Variants in EPHB2 observed in about 807,000 individuals in gnomAD.
EPHB2 encodes the protein ephrin type-B receptor 2.
In EPHB2, 18 loss-of-function variants were observed where a neutral mutation model predicts 96.4. That is an observed-to-expected ratio of 0.19 (90% CI 0.13 to 0.28). The LOEUF (loss-of-function observed/expected upper bound fraction) is 0.28. Ranked by LOEUF, EPHB2 falls within the 10% of genes least tolerant of loss-of-function variation. The pLI is 1.00. For synonymous variants in EPHB2, 506 were observed against 534.1 expected (o/e 0.95, Z 0.72); for missense variants, 989 against 1,355.4 (o/e 0.73, Z 4.25).
At chr1:22,836,166 G>A (rs966163488) in intron 3 of EPHB2, among the ~76,000 whole-genome samples, 1 of 152,180 alleles carries the variant, frequency 6.6e-6, no homozygotes, top group African/African-American at 2.4e-5. Flanking sequence ...CAGCGTAGCC[G>A]CTTTTGATTT....
At chr1:22,808,022 C>T (rs1261017102) in intron 3 of EPHB2, among the ~76,000 whole-genome samples, 2 of 151,886 alleles carry the variant, frequency 1.3e-5, no homozygotes, top group Non-Finnish European at 2.9e-5. Context: ...TGGTCCCAGC[C>T]ACTTGGGAGG....
At chr1:22,809,762 C>A (rs1478068457) in intron 3 of EPHB2, among the ~76,000 whole-genome samples, 1 of 152,196 alleles carries the variant, frequency 6.6e-6, no homozygotes, top group Non-Finnish European at 1.5e-5. Flanking sequence ...GTATTAGGCA[C>A]CAAGACTGCG....
intron 1 of EPHB2, among the ~76,000 whole-genome samples, chr1:22,743,898 A>G (rs555242569): frequency 4.8e-4 from 73 of 152,312 alleles, no homozygotes; most frequent in East Asian, 1.9e-4. Flanking sequence ...CACAAGCTCT[A>G]AGTCAGGAAG....
intron 5 of EPHB2, among the ~76,000 whole-genome samples, chr1:22,869,102 TC>T (rs1261888905): frequency 6.6e-6 from 1 of 151,600 alleles, no homozygotes; most frequent in Non-Finnish European, 1.5e-5. Flanking sequence ...AACAAGTCTT[TC>T]CCCCTCCTCT....
intron 14 of EPHB2, among the ~76,000 whole-genome samples, chr1:22,911,740 C>CAAGTCCTTAGGAAGGACTTGGGCCA (rs1415285765): frequency 1.1e-4 from 16 of 152,144 alleles, no homozygotes; most frequent in South Asian, 2.1e-4. Context: ...TGGCTGTAGC[C>CAAGTCCTTAGGAAGGACTTGGGCCA]AAGTCCTTAG....
chr1:22,870,319 G>A (rs955759753), intron 5 of EPHB2, among the ~76,000 whole-genome samples: 3 of 152,106 alleles, frequency 2.0e-5, no homozygotes, highest in Non-Finnish European at 2.9e-5. Flanking sequence ...TCATGGCCCC[G>A]AGGAAGGAGG....
At chr1:22,853,500 C>T (rs1645654894) in intron 3 of EPHB2, among the ~76,000 whole-genome samples, 1 of 152,236 alleles carries the variant, frequency 6.6e-6, no homozygotes, top group East Asian at 1.9e-4. Context: ...CAGTGCCAGG[C>T]ACTCCTGGAG....
chr1:22,772,475 C>T (rs1179064957), intron 1 of EPHB2, among the ~76,000 whole-genome samples: 1 of 152,190 alleles, frequency 6.6e-6, no homozygotes, highest in Admixed American at 6.5e-5. Context: ...AGACTGAGGG[C>T]TGAGCAGGGG....
At chr1:22,721,128 G>A (rs1227572175) in intron 1 of EPHB2, among the ~76,000 whole-genome samples, 1 of 152,218 alleles carries the variant, frequency 6.6e-6, no homozygotes, top group East Asian at 1.9e-4. Flanking sequence ...CAGGAGTGGG[G>A]AAGCATTAGA....
In EPHB2 at chr1:22,906,921, G is replaced by A; in HGVS notation, c.2100G>A (p.Glu700=). The A allele has an allele frequency of 6.2e-7, 1 of 1,613,204 alleles. No individual in the cohort carries two copies. The highest frequency in any genetic ancestry group is 8.5e-7 in the Non-Finnish European group (1 of 1,179,222). The change falls in exon 11 of 16, where the codon GAG becomes GAA. Residue 700 remains glutamate, a synonymous_variant. Coordinates refer to ENST00000374630, the MANE Select transcript of EPHB2 (RefSeq NM_017449.5). This position sits in a 1 kb window ranked among gnomAD's most constrained non-coding sequence, Gnocchi z 4.8. ...TKSTPVMIIT[E]FMENGSLDSF... is the part of the protein sequence containing the mutation. ...GCACACCTGTGATGATCATCACCGA[G>A]TTCATGGAGAATGGCTCCCTGGACT...
intron 1 of EPHB2, among the ~76,000 whole-genome samples, chr1:22,781,097 G>A (rs1016595925): frequency 2.0e-5 from 3 of 151,874 alleles, no homozygotes; most frequent in Non-Finnish European, 2.9e-5. Flanking sequence ...GAGGCGGGCG[G>A]ATCACGAGGT....
At chr1:22,852,638 C>T (rs1266527965) in intron 3 of EPHB2, among the ~76,000 whole-genome samples, 3 of 152,226 alleles carry the variant, frequency 2.0e-5, no homozygotes, top group Non-Finnish European at 4.4e-5. Context: ...GAAACACCCT[C>T]ACCAGCTCAC....
chr1:22,759,675 C>G (rs1245213657), intron 1 of EPHB2, among the ~76,000 whole-genome samples: 1 of 152,172 alleles, frequency 6.6e-6, no homozygotes, highest in African/African-American at 2.4e-5. Flanking sequence ...CCTCCCTCAC[C>G]AGGTGGCTCT....
In EPHB2 at chr1:22,910,565, C is replaced by T; in HGVS notation, c.2686C>T (p.Leu896Phe). ...NPNSLKAMAP[L>F]SSGINLPLLD... ...CAACAGCCTCAAAGCCATGGCGCCC[C>T]TCTCCTCTGGGTAAGGCCCCACCCT... Residue 896 changes from leucine to phenylalanine, a missense_variant, in exon 14 of 16, where the codon CTC (leucine) becomes TTC (phenylalanine). By Grantham distance (22) the Leu-to-Phe change is conservative. Transcript: ENST00000374630. The T allele has an allele frequency of 6.2e-7, 1 of 1,614,160 alleles. No individual in the cohort carries two copies. The highest frequency in any genetic ancestry group is 8.5e-7 in the Non-Finnish European group (1 of 1,179,998).
intron 3 of EPHB2, among the ~76,000 whole-genome samples, chr1:22,815,959 T>C (rs1399736248): frequency 6.6e-6 from 1 of 152,132 alleles, no homozygotes; most frequent in Non-Finnish European, 1.5e-5. Flanking sequence ...TGTGTGGGTG[T>C]TGGCAGCAGC....
intron 3 of EPHB2, among the ~76,000 whole-genome samples, chr1:22,792,240 G>C (rs1187469386): frequency 6.6e-6 from 1 of 152,104 alleles, no homozygotes; most frequent in South Asian, 2.1e-4. Flanking sequence ...GAGGGAGGCC[G>C]CCAGCTGGCA....
intron 3 of EPHB2, among the ~76,000 whole-genome samples, chr1:22,830,950 A>G (rs536061108): frequency 6.6e-6 from 1 of 152,332 alleles, no homozygotes; most frequent in Admixed American, 6.5e-5. Flanking sequence ...GGCTCCAAGA[A>G]CGACAGCAGA....
At chr1:22,782,413 C>T (rs1411838919) in intron 2 of EPHB2, among the ~76,000 whole-genome samples, 1 of 148,594 alleles carries the variant, frequency 6.7e-6, no homozygotes, top group Non-Finnish European at 1.5e-5. Context: ...TCCCCCCACC[C>T]CAGTTCCTCC....
Position 22,896,294 on chromosome 1 carries a change from G to A in EPHB2, c.1701-120G>A. ...AGTGGGGCCAAAAGGGGCAGGCAGG[G>A]AGCCCTCTGGCAGGGGTGTGGCTTC... On this transcript the variant is annotated intron_variant, in intron 8 of 15. Coordinates refer to ENST00000374630, the MANE Select transcript of EPHB2 (RefSeq NM_017449.5). 6 of 1,270,240 alleles carry A rather than the reference G, an allele frequency of 4.7e-6. No individual in the cohort carries two copies. The South Asian group carries it at 7.5e-5, about 16-fold the overall frequency. 78.7% of individuals were successfully genotyped at this position (1,270,240 alleles called of 1,614,324 possible). A position where few individuals can be genotyped will look rare whatever the true frequency, so the allele number is the denominator to read the frequency against.
Sources: gnomAD v4.1 joint callset for allele counts (sites outside exome capture counted in the v4.1 genomes callset) on GRCh38, gnomAD v4.1.1 for gene constraint, Gnocchi (gnomAD v3.1) non-coding constraint, MANE v1.5 for transcripts, NCBI Gene and HGNC (gene_info 2026-07-23, HGNC 2026-07-21) for gene names.